WDR62: variants seen among roughly 807,000 people sequenced by gnomAD.
WDR62 encodes WD repeat domain 62.
WDR62 carries 112 observed loss-of-function variants against 160.6 expected under a neutral mutation model. The ratio of observed to expected loss-of-function variants is 0.70; its 90% CI spans 0.60 to 0.82. The LOEUF is 0.82. Among genes scored for constraint, WDR62 ranks in the 40% least tolerant of loss-of-function variants. WDR62 has a pLI of 0.00. For synonymous variants in WDR62, 792 were observed against 815.1 expected, an observed-to-expected ratio of 0.97 and a Z score of 0.48; for missense variants, 1,819 against 1,983.8, an observed-to-expected ratio of 0.92 and a Z score of 1.58.
intron 17 of WDR62, 35 bp from the exon 18 acceptor site, chr19:36,091,367 C>T (rs766661385): frequency 1.6e-5 from 26 of 1,610,128 alleles, no homozygotes; most frequent in Non-Finnish European, 2.0e-5. Context: ...CCTCTGACTC[C>T]GAAGGCAAGT....
intron 26 of WDR62, 154 bp from the exon 27 acceptor site, chr19:36,102,583 G>GC: frequency 1.5e-6 from 1 of 667,490 alleles, no homozygotes; most frequent in South Asian, 1.8e-5. Context: ...CTTGACCTGA[G>GC]CCTCACGATG....
At chr19:36,108,269 T>C (rs1490313187), downstream of WDR62, among the ~76,000 whole-genome samples, 1 of 152,064 alleles carries the variant, frequency 6.6e-6, no homozygotes, top group East Asian at 1.9e-4. Flanking sequence ...GTCAACCTCC[T>C]AGGCCATGGA....
chr19:36,091,084 C>A (rs188930847), intron 16 of WDR62, 116 bp from the exon 17 acceptor site: 16,779 of 855,956 alleles, frequency 0.02, 958 homozygotes, highest in South Asian at 0.12. Context: ...GCGGGAGCTC[C>A]TGCCCTGCCA....
intron 20 of WDR62, 22 bp from the exon 21 acceptor site, chr19:36,097,005 C>G (rs190811619): frequency 1.2e-6 from 2 of 1,605,622 alleles, no homozygotes; most frequent in Non-Finnish European, 1.7e-6. Context: ...GTCCTCTTTT[C>G]ATGGATTCTG....
At chr19:36,058,117 C>T (rs1051188430) in intron 1 of WDR62, among the ~76,000 whole-genome samples, 1 of 152,054 alleles carries the variant, frequency 6.6e-6, no homozygotes, top group Non-Finnish European at 1.5e-5. Flanking sequence ...TTTGGGAGGC[C>T]GAGGCGGGTG....
intron 9 of WDR62, among the ~76,000 whole-genome samples, chr19:36,078,982 C>A (rs964684634): frequency 6.8e-6 from 1 of 147,958 alleles, no homozygotes; most frequent in Admixed American, 6.8e-5. Context: ...TTATGTGATA[C>A]CAGTTTTTCT....
downstream of WDR62, among the ~76,000 whole-genome samples, chr19:36,108,801 C>T (rs1044505196): frequency 6.7e-6 from 1 of 149,676 alleles, no homozygotes. Context: ...CTACAGTGAG[C>T]TGTGTTCACT....
chr19:36,071,704 GC>G lies in WDR62; in HGVS notation c.1033del (p.Leu345TrpfsTer21). ...PHYLGVDVAQ[G>X]LEPSFLFHRK... The stretch of plus-strand genomic sequence containing the variant: ...TACCTTGGGGTAGACGTGGCACAGG[GC>G]CTGGAGCCCAGGTACTGCCCTGTGG... On this transcript the variant is annotated frameshift_variant, in exon 8 of 32. Transcript: ENST00000401500. LOFTEE classifies it high-confidence loss of function. 6.2e-7 allele frequency: 1 copy of G among 1,613,770 alleles called. No individual in the cohort carries two copies. Among genetic ancestry groups the G allele is most frequent in the South Asian group, 1.1e-5 (1 of 91,086 alleles).
Position 36,102,057 on chromosome 19 carries a change from A to ACCCAGCGTC in WDR62, c.3133_3141dup (p.Val1045_Ser1047dup). 2.5e-6 allele frequency: 4 copies of ACCCAGCGTC among 1,613,994 alleles called. No individual in the cohort carries two copies. Among genetic ancestry groups the ACCCAGCGTC allele is most frequent in the Non-Finnish European group, 3.4e-6 (4 of 1,179,988 alleles). ...AAGATGAGCTGTCCCTGCCCGAGGG[A>ACCCAGCGTC]CCCAGCGTCCCCAGCAGCTCCCTAC... On this transcript the variant is annotated inframe_insertion, in exon 26 of 32. Coordinates refer to ENST00000401500, the MANE Select transcript of WDR62 (RefSeq NM_001083961.2).
intron 19 of WDR62, among the ~76,000 whole-genome samples, chr19:36,093,124 AC>A (rs1348982057): frequency 6.6e-6 from 1 of 152,224 alleles, no homozygotes; most frequent in Non-Finnish European, 1.5e-5. Flanking sequence ...GGTGTGAGCC[AC>A]TGCACCCGGC....
At chr19:36,106,527 TC>T (rs1372822584), downstream of WDR62, among the ~76,000 whole-genome samples, 5 of 152,212 alleles carry the variant, frequency 3.3e-5, no homozygotes, top group African/African-American at 1.2e-4. Flanking sequence ...GTTGGGGAGA[TC>T]CATTGCTGGT....
intron 26 of WDR62, 142 bp from the exon 27 acceptor site, chr19:36,102,595 C>T (rs1973433118): frequency 2.8e-6 from 2 of 702,646 alleles, no homozygotes; most frequent in Non-Finnish European, 4.9e-6. Flanking sequence ...CTCACGATGC[C>T]TCCTCACCCA....
chr19:36,102,617 C>A, intron 26 of WDR62, 120 bp from the exon 27 acceptor site: 2 of 813,574 alleles, frequency 2.5e-6, no homozygotes, highest in African/African-American at 1.7e-5. Context: ...TGCCCCTGCT[C>A]GTACCCTGTG....
At chr19:36,104,331 G>A (rs1183768473) in intron 30 of WDR62, among the ~76,000 whole-genome samples, 187 bp from the exon 31 acceptor site, 1 of 151,954 alleles carries the variant, frequency 6.6e-6, no homozygotes, top group African/African-American at 2.4e-5. Context: ...CAAACCAGAA[G>A]ATAAGAAGAG....
chr19:36,102,092 C>G lies in WDR62; in HGVS notation c.3161C>G (p.Pro1054Arg), dbSNP rs777428608. 2 of 1,614,144 alleles carry G rather than the reference C, an allele frequency of 1.2e-6. No individual in the cohort carries two copies. The highest frequency in any genetic ancestry group is 1.7e-6 in the Non-Finnish European group (2 of 1,180,018). The stretch of plus-strand genomic sequence containing the variant: ...CCCAGCAGCTCCCTACCCCAGACTC[C>G]GGAGCAGGAGAAGTTCCTCCGCCAC... ...SVPSSSLPQT[P>R]EQEKFLRHHF... The change falls in exon 26 of 32, where the codon CCG (proline) becomes CGG (arginine). Residue 1054 changes from proline (P) to arginine (R), a missense_variant. Transcript: ENST00000401500.
Position 36,055,123 on chromosome 19 carries a change from C to T in WDR62, c.152C>T (p.Ala51Val), listed in dbSNP as rs759001459. 1 of 1,608,082 alleles carries T rather than the reference C, an allele frequency of 6.2e-7. No homozygotes were observed. The highest frequency in any genetic ancestry group is 2.2e-5 in the East Asian group (1 of 44,556). ...CLRRRTRLSTASEETVQNRVS... is the reference protein window; with the variant it reads ...CLRRRTRLSTVSEETVQNRVS... The stretch of plus-strand genomic sequence containing the variant: ...CGGCGGCGGACGCGACTCTCGACGG[C>T]CTCCGAGGAGACGGTGCAGAACCGG... The change falls in exon 1 of 32, where the codon GCC becomes GTC. Residue 51 changes from alanine (A) to valine (V), a missense_variant. Around this residue, in one of 3 missense-constraint regions of WDR62, gnomAD observed 115 missense variants for 92.4 expected, o/e 1.24. Transcript: ENST00000401500.
intron 7 of WDR62, chr19:36,070,997 C>T (rs781024687): frequency 1.8e-4 from 28 of 158,698 alleles, no homozygotes; most frequent in Non-Finnish European, 2.9e-4. Context: ...CACCTGAGGT[C>T]AGGAGTTCAA....
chr19:36,089,438 G>GTT, intron 15 of WDR62, 132 bp downstream of exon 15: 2 of 1,430,642 alleles, frequency 1.4e-6, no homozygotes, highest in South Asian at 1.2e-5. Context: ...TTCCTTCTTG[G>GTT]TTTTTTTTTG....
In WDR62 at chr19:36,092,636, G is replaced by C. The variant is rs116132471; in HGVS notation, c.2211-53G>C. ...GGCTTCAGGGTCAGCCACGGCAGCG[G>C]CTCCCATGCTTACTCTTCCTCTGCC... On this transcript the variant is annotated intron_variant, in intron 18 of 31. Transcript: ENST00000401500. 2,713 of 1,611,844 alleles carry C rather than the reference G, an allele frequency of 1.7e-3. 46 individuals are homozygous for C. In the African/African-American group the frequency reaches 0.033, roughly 19 times the overall value.
Sources: gnomAD v4.1 joint callset for allele counts (sites outside exome capture counted in the v4.1 genomes callset) on GRCh38, gnomAD v4.1.1 for gene constraint, gnomAD v4.1.1 regional missense constraint, MANE v1.5 for transcripts, NCBI Gene and HGNC (gene_info 2026-07-23, HGNC 2026-07-21) for gene names.